PTPDC1: variants seen among roughly 807,000 people sequenced by gnomAD.
The protein encoded by PTPDC1 is protein tyrosine phosphatase domain containing 1, also known as protein tyrosine phosphatase domain-containing protein 1.
PTPDC1 carries 53 observed loss-of-function variants against 75.3 expected under a neutral mutation model. That is an observed-to-expected ratio of 0.70 (90% confidence interval 0.56 to 0.88). PTPDC1 has a LOEUF of 0.88. Among genes scored for constraint, PTPDC1 ranks in the 40% least tolerant of loss-of-function variants. The pLI is 0.00. For synonymous variants in PTPDC1, 349 were observed against 366.2 expected, an observed-to-expected ratio of 0.95 and a Z score of 0.54; for missense variants, 925 against 998.6, an observed-to-expected ratio of 0.93 and a Z score of 0.99.
At chr9:94,090,094 T>C (rs1827254050) in intron 4 of PTPDC1, among the ~76,000 whole-genome samples, 1 of 123,150 alleles carries the variant, frequency 8.1e-6, no homozygotes, top group Non-Finnish European at 1.6e-5. Flanking sequence ...TTAGATCCCA[T>C]TTGTCAATTT....
At chr9:94,061,266 C>T (rs1261328277) in intron 1 of PTPDC1, among the ~76,000 whole-genome samples, 1 of 152,162 alleles carries the variant, frequency 6.6e-6, no homozygotes, top group Non-Finnish European at 1.5e-5. Flanking sequence ...GCTCCCAAGG[C>T]CTTGGGCAGC....
At chr9:94,083,107 T>A (rs1826939838), upstream of PTPDC1, among the ~76,000 whole-genome samples, 1 of 152,180 alleles carries the variant, frequency 6.6e-6, no homozygotes, top group Non-Finnish European at 1.5e-5. Flanking sequence ...TTAGACTCCC[T>A]CTTACACAGA....
chr9:94,095,523 T>G, intron 5 of PTPDC1, 69 bp downstream of exon 5: 1 of 1,291,546 alleles, frequency 7.7e-7, no homozygotes, highest in Non-Finnish European at 1.1e-6. Context: ...ATTTCCTAAT[T>G]TGAGGGTAAA....
At chr9:94,054,063 G>A (rs578205335) in intron 1 of PTPDC1, among the ~76,000 whole-genome samples, 1 of 152,288 alleles carries the variant, frequency 6.6e-6, no homozygotes, top group African/African-American at 2.4e-5. Context: ...TCTAGGCTTT[G>A]GAGATAAAGC....
chr9:94,060,320 T>C (rs1305488243), intron 1 of PTPDC1, among the ~76,000 whole-genome samples: 1 of 152,232 alleles, frequency 6.6e-6, no homozygotes, highest in Non-Finnish European at 1.5e-5. Context: ...TAGACAAAGA[T>C]ATTGTGGAGA....
intron 4 of PTPDC1, among the ~76,000 whole-genome samples, chr9:94,094,451 C>T (rs942489136): frequency 1.3e-5 from 2 of 152,152 alleles, no homozygotes; most frequent in East Asian, 3.8e-4. Context: ...TTTCCAGCTG[C>T]GTGCTGGGAG....
exon 2 of PTPDC1, chr9:94,064,752 G>A (rs1826246145): frequency 3.1e-6 from 5 of 1,613,468 alleles, no homozygotes; most frequent in Non-Finnish European, 4.2e-6. Flanking sequence ...GGCTGCAGGA[G>A]TCTTGCCTCA....
chr9:94,050,652 CAG>C (rs1825760933), intron 1 of PTPDC1, among the ~76,000 whole-genome samples: 1 of 152,206 alleles, frequency 6.6e-6, no homozygotes, highest in Admixed American at 6.5e-5. Flanking sequence ...TTAGGCTACT[CAG>C]GGGTCAGGGA....
chr9:94,067,663 A>T (rs1404556516), intron 2 of PTPDC1, among the ~76,000 whole-genome samples: 1 of 152,106 alleles, frequency 6.6e-6, no homozygotes, highest in African/African-American at 2.4e-5. Flanking sequence ...GTGCAGTGGC[A>T]CCATCTCAGC....
chr9:94,071,294 C>T (rs565320864), intron 2 of PTPDC1, among the ~76,000 whole-genome samples: 6 of 152,134 alleles, frequency 3.9e-5, no homozygotes, highest in African/African-American at 1.4e-4. Context: ...TGCTTATCTG[C>T]CATCTGCATA....
intron 1 of PTPDC1, among the ~76,000 whole-genome samples, chr9:94,049,005 T>G (rs950318009): frequency 6.6e-6 from 1 of 152,006 alleles, no homozygotes; most frequent in Non-Finnish European, 1.5e-5. Flanking sequence ...AAAGTCTGTT[T>G]TATCAGAGAC....
Position 94,095,508 on chromosome 9 carries a change from A to G in PTPDC1, c.754+54A>G, listed in dbSNP as rs1827531186. The G allele has an allele frequency of 2.8e-6, 4 of 1,424,000 alleles. No homozygotes were observed. The East Asian group carries it at 6.9e-5, about 25-fold the overall frequency. 88.2% of individuals were successfully genotyped at this position (1,424,000 alleles called of 1,614,324 possible). ...GTAGGCATATTTAAACATAAAAGGA[A>G]TAAGATTTCCTAATTTGAGGGTAAA... is the stretch of plus-strand genomic sequence containing the variant. On this transcript the variant is annotated intron_variant, in intron 5 of 8. Coordinates refer to ENST00000620992, the MANE Select transcript of PTPDC1 (RefSeq NM_001253829.2).
At chr9:94,036,390 G>C (rs183746836) in intron 1 of PTPDC1, among the ~76,000 whole-genome samples, 5 of 151,674 alleles carry the variant, frequency 3.3e-5, no homozygotes, top group East Asian at 1.9e-4. Context: ...AGTCCTGTTT[G>C]TTTCTTTTAT....
At chr9:94,094,735 T>A (rs79699500) in intron 4 of PTPDC1, among the ~76,000 whole-genome samples, 1 of 152,232 alleles carries the variant, frequency 6.6e-6, no homozygotes, top group Non-Finnish European at 1.5e-5. Flanking sequence ...CGAGACTCCG[T>A]GGGCGTAGGA....
At chr9:94,095,124 C>T (rs1827507229) in intron 4 of PTPDC1, among the ~76,000 whole-genome samples, 193 bp from the exon 5 acceptor site, 1 of 152,216 alleles carries the variant, frequency 6.6e-6, no homozygotes, top group Non-Finnish European at 1.5e-5. Flanking sequence ...TCTTAAGTAA[C>T]ATAAAATGTG....
intron 1 of PTPDC1, among the ~76,000 whole-genome samples, chr9:94,060,041 G>GTA (rs1289749972): frequency 2.0e-5 from 3 of 152,044 alleles, no homozygotes; most frequent in Admixed American, 6.6e-5. Flanking sequence ...TAACTATAGA[G>GTA]TATATATATA....
intron 1 of PTPDC1, among the ~76,000 whole-genome samples, chr9:94,040,178 G>A (rs996426983): frequency 5.3e-5 from 8 of 152,034 alleles, no homozygotes; most frequent in African/African-American, 1.9e-4. Context: ...ACTGATTGCT[G>A]TGAATCTCTG....
intron 2 of PTPDC1, among the ~76,000 whole-genome samples, chr9:94,078,619 C>T (rs1274901176): frequency 1.3e-5 from 2 of 152,174 alleles, no homozygotes; most frequent in African/African-American, 4.8e-5. Context: ...TGTTGGTTCA[C>T]TTAATGGTAT....
At chr9:94,035,699 G>A (rs1364168509) in intron 1 of PTPDC1, among the ~76,000 whole-genome samples, 1 of 152,188 alleles carries the variant, frequency 6.6e-6, no homozygotes, top group African/African-American at 2.4e-5. Context: ...ACCCAGAAGT[G>A]GGACTGCCGA....
Sources: allele counts gnomAD v4.1 joint callset (sites outside exome capture counted in the v4.1 genomes callset), GRCh38; gene constraint gnomAD v4.1.1; transcripts MANE v1.5; gene names NCBI Gene and HGNC (gene_info 2026-07-23, HGNC 2026-07-21).